Variants in ST6GAL1 observed in about 807,000 individuals in gnomAD.
ST6GAL1 encodes ST6 beta-galactoside alpha-2,6-sialyltransferase 1, also known as beta-galactoside alpha-2,6-sialyltransferase 1.
ST6GAL1 carries 20 observed loss-of-function variants against 38.0 expected under a neutral mutation model. The observed-to-expected ratio is 0.53, with a 90% CI of 0.37 to 0.77. The LOEUF (loss-of-function observed/expected upper bound fraction) is 0.77, where lower values mean the gene tolerates loss of function less well. ST6GAL1 is among the 30% of genes least tolerant of loss of function. The pLI, the probability that ST6GAL1 is intolerant of heterozygous loss-of-function variation, is 0.00. For missense variants in ST6GAL1, 432 were observed against 496.4 expected (o/e 0.87, Z 1.23); for synonymous variants, 196 against 188.2 (o/e 1.04, Z -0.34).
intron 5 of ST6GAL1, among the ~76,000 whole-genome samples, chr3:187,056,555 A>T (rs1399474628): frequency 6.6e-6 from 1 of 152,128 alleles, no homozygotes; most frequent in African/African-American, 2.4e-5. Context: ...TCTCCTTCAC[A>T]TATGAAGGTT....
At position 187,075,865 on chromosome 3, in the gene ST6GAL1, C is replaced by A; in HGVS notation, c.*62C>A. The A allele has an allele frequency of 6.3e-7, 1 of 1,594,062 alleles. No homozygotes were observed. The highest frequency in any genetic ancestry group is 8.6e-7 in the Non-Finnish European group (1 of 1,169,216). Reference sequence around the variant, plus strand: ...TGAATGGTCTCTTGGCCACCCCAGCCTGGGAAGAACATTTTCCTGAACAAT... The same window carrying A: ...TGAATGGTCTCTTGGCCACCCCAGCATGGGAAGAACATTTTCCTGAACAAT... On this transcript the variant is annotated 3_prime_UTR_variant, in exon 8 of 8. Coordinates refer to ENST00000169298, the MANE Select transcript of ST6GAL1 (RefSeq NM_173216.2). The surrounding 1 kb of genome is among the most constrained non-coding windows in gnomAD (Gnocchi z 4.1).
chr3:186,966,805 G>A (rs73187773), intron 2 of ST6GAL1, among the ~76,000 whole-genome samples: 1 of 152,168 alleles, frequency 6.6e-6, no homozygotes, highest in African/African-American at 2.4e-5. Context: ...AGCAACAGGC[G>A]TGTCAGTCCC....
intron 1 of ST6GAL1, among the ~76,000 whole-genome samples, chr3:186,937,090 T>A (rs1713987724): frequency 6.6e-6 from 1 of 152,166 alleles, no homozygotes; most frequent in Admixed American, 6.6e-5. Flanking sequence ...TTCTTTTTTT[T>A]TTAAATGGAT....
Position 186,951,215 on chromosome 3 carries a change from C to T in ST6GAL1, c.-324-12570C>T, listed in dbSNP as rs1471614528. ...CAGCTTCAGGCACCTGCCAACGTGACCCGCTCATTTTTTGTATTTTTAGTA... is the reference window on the plus strand; with the variant it reads ...CAGCTTCAGGCACCTGCCAACGTGATCCGCTCATTTTTTGTATTTTTAGTA... On this transcript the variant is annotated intron_variant, in intron 1 of 7. Coordinates refer to ENST00000169298, the MANE Select transcript of ST6GAL1 (RefSeq NM_173216.2). 2.6e-5 allele frequency among the ~76,000 whole-genome samples: 4 copies of T among 152,078 alleles called. No homozygotes were observed. In the South Asian group the frequency reaches 8.3e-4, roughly 32 times the overall value.
chr3:186,936,957 A>AG (rs1448198836), intron 1 of ST6GAL1, among the ~76,000 whole-genome samples: 85 of 143,096 alleles, frequency 5.9e-4, no homozygotes, highest in African/African-American at 2.1e-3. Context: ...AAAAAAAAAA[A>AG]AAAAAGAAAA....
intron 2 of ST6GAL1, among the ~76,000 whole-genome samples, chr3:186,998,166 G>T (rs1014109573): frequency 2.0e-5 from 3 of 152,070 alleles, no homozygotes; most frequent in Non-Finnish European, 1.5e-5. Flanking sequence ...ACTACACAGG[G>T]GTTAAGGGCA....
chr3:186,963,267 C>T (rs1284144552), intron 1 of ST6GAL1, among the ~76,000 whole-genome samples: 1 of 152,214 alleles, frequency 6.6e-6, no homozygotes. Context: ...TCTTGTTGTC[C>T]AGGCTGGAGT....
chr3:187,069,159 G>A (rs535301782), intron 5 of ST6GAL1, among the ~76,000 whole-genome samples: 84 of 150,498 alleles, frequency 5.6e-4, no homozygotes, highest in African/African-American at 1.5e-3. Context: ...TTCTCAAGAC[G>A]GAGTCTCGCT....
chr3:187,030,469 T>A (rs1388523340), intron 2 of ST6GAL1, among the ~76,000 whole-genome samples: 1 of 152,236 alleles, frequency 6.6e-6, no homozygotes, highest in Non-Finnish European at 1.5e-5. Context: ...AGTCTTGCTC[T>A]GTTGTCCAGG....
chr3:187,025,144 T>C (rs1024104025), intron 2 of ST6GAL1, among the ~76,000 whole-genome samples: 1 of 152,086 alleles, frequency 6.6e-6, no homozygotes, highest in African/African-American at 2.4e-5. Flanking sequence ...AGTTAGTTGA[T>C]GCGTTGCATA....
intron 2 of ST6GAL1, chr3:187,006,421 G>A (rs1037439476): frequency 6.6e-6 from 1 of 152,200 alleles, no homozygotes; most frequent in Non-Finnish European, 1.5e-5. Flanking sequence ...TCAGGACATA[G>A]GAAGAGGTGA....
chr3:187,065,507 A>G (rs1719071950), intron 5 of ST6GAL1, among the ~76,000 whole-genome samples: 2 of 152,234 alleles, frequency 1.3e-5, no homozygotes, highest in Admixed American at 1.3e-4. Context: ...ATGAGAGTCA[A>G]CAGGAAAAAT....
chr3:187,006,902 G>T (rs576680260), intron 2 of ST6GAL1, among the ~76,000 whole-genome samples: 41 of 152,286 alleles, frequency 2.7e-4, no homozygotes, highest in African/African-American at 9.9e-4. Context: ...TTTTCTAGCT[G>T]GGAGAAAAAG....
intron 5 of ST6GAL1, among the ~76,000 whole-genome samples, chr3:187,063,145 A>G (rs1718980231): frequency 1.3e-5 from 2 of 152,178 alleles, no homozygotes; most frequent in Admixed American, 6.5e-5. Context: ...ACAGGGAGAA[A>G]CCAGTTGATA....
At chr3:187,004,155 G>C (rs1397324307) in intron 2 of ST6GAL1, among the ~76,000 whole-genome samples, 1 of 152,194 alleles carries the variant, frequency 6.6e-6, no homozygotes, top group African/African-American at 2.4e-5. Context: ...CATGTGATGT[G>C]CCTGCTTCTG....
chr3:187,075,799 G>C lies in ST6GAL1; in HGVS notation c.1217G>C (p.Cys406Ser). The change falls in exon 8 of 8, where the codon TGC (cysteine) becomes TCC (serine). Residue 406 changes from cysteine to serine, a missense_variant. Physicochemically the swap from Cys to Ser is moderately radical, Grantham distance 112 (BLOSUM62 -1). Transcript: ENST00000169298. This position sits in a 1 kb window ranked among gnomAD's most constrained non-coding sequence, Gnocchi z 4.1. ...CTGCCTGGCTTCCGGACCATTCACT[G>C]CTAAGCACAGGCTCCTCACTCTTCT... Reference protein sequence around the residue: ...ATLPGFRTIHC With the variant: ...ATLPGFRTIHS The C allele has an allele frequency of 6.2e-7, 1 of 1,614,136 alleles. No homozygotes were observed. The highest frequency in any genetic ancestry group is 8.5e-7 in the Non-Finnish European group (1 of 1,180,000).
chr3:186,983,289 C>G (rs888850730), intron 2 of ST6GAL1, among the ~76,000 whole-genome samples: 1 of 152,148 alleles, frequency 6.6e-6, no homozygotes, highest in Non-Finnish European at 1.5e-5. Context: ...TAAGGGAAGA[C>G]AGACATGTAG....
At chr3:187,071,791 A>AG (rs1174659827) in intron 5 of ST6GAL1, among the ~76,000 whole-genome samples, 2 of 149,668 alleles carry the variant, frequency 1.3e-5, no homozygotes, top group African/African-American at 4.9e-5. Context: ...AAAAAAAAAA[A>AG]AAAAGAAAAA....
intron 1 of ST6GAL1, among the ~76,000 whole-genome samples, chr3:186,956,657 G>A (rs950956130): frequency 6.6e-6 from 1 of 152,152 alleles, no homozygotes; most frequent in Non-Finnish European, 1.5e-5. Context: ...ATAAACTTAA[G>A]AGCCCAAGAG....
Sources: allele counts gnomAD v4.1 joint callset (sites outside exome capture counted in the v4.1 genomes callset), GRCh38; gene constraint gnomAD v4.1.1; non-coding constraint Gnocchi (gnomAD v3.1); transcripts MANE v1.5; gene names NCBI Gene and HGNC (gene_info 2026-07-23, HGNC 2026-07-21).